KCNH1: variants seen among roughly 807,000 people sequenced by gnomAD.
The protein encoded by KCNH1 is potassium voltage-gated channel subfamily H member 1, also known as voltage-gated delayed rectifier potassium channel KCNH1.
KCNH1 carries 27 observed loss-of-function variants against 69.2 expected under a neutral mutation model. The ratio of observed to expected loss-of-function variants is 0.39; its 90% CI spans 0.29 to 0.54. KCNH1 has a LOEUF of 0.54. KCNH1 is among the 20% of genes least tolerant of loss of function. KCNH1 has a pLI of 0.68. For missense variants in KCNH1, 798 were observed against 1,261.6 expected, an observed-to-expected ratio of 0.63 and a Z score of 5.57; for synonymous variants, 456 against 487.7, an observed-to-expected ratio of 0.93 and a Z score of 0.86.
At chr1:210,894,279 A>G (rs755953303) in intron 7 of KCNH1, among the ~76,000 whole-genome samples, 11 of 152,300 alleles carry the variant, frequency 7.2e-5, no homozygotes, top group Non-Finnish European at 1.0e-4. Context: ...TGTTAAGTGG[A>G]CCCAGAGCAT....
chr1:210,788,841 C>T (rs1025988374), intron 9 of KCNH1, among the ~76,000 whole-genome samples: 1 of 148,770 alleles, frequency 6.7e-6, no homozygotes, highest in Non-Finnish European at 1.5e-5. Flanking sequence ...GGACTACAGG[C>T]GCCCGCCACT....
chr1:210,946,327 A>C (rs1046962751), intron 6 of KCNH1, among the ~76,000 whole-genome samples: 4 of 152,082 alleles, frequency 2.6e-5, no homozygotes, highest in African/African-American at 7.2e-5. Context: ...GAGCATGTGT[A>C]TCCATGCTGC....
chr1:210,981,372 CAAA>C (rs10684074), intron 6 of KCNH1, among the ~76,000 whole-genome samples: 23 of 85,488 alleles, frequency 2.7e-4, no homozygotes, highest in African/African-American at 4.3e-4. Context: ...GTAACAACGA[CAAA>C]AAAAAAAAAA....
At chr1:211,008,611 G>A (rs1689330473) in intron 6 of KCNH1, among the ~76,000 whole-genome samples, 1 of 152,202 alleles carries the variant, frequency 6.6e-6, no homozygotes, top group Non-Finnish European at 1.5e-5. Flanking sequence ...TCAAGAATAG[G>A]TAAAACTAAT....
intron 7 of KCNH1, among the ~76,000 whole-genome samples, chr1:210,809,479 A>C (rs1684654261): frequency 6.6e-6 from 1 of 152,168 alleles, no homozygotes; most frequent in Admixed American, 6.5e-5. Flanking sequence ...AAATATATAT[A>C]TTAAATAAGC....
intron 10 of KCNH1, among the ~76,000 whole-genome samples, chr1:210,763,697 C>G (rs764231993): frequency 1.3e-5 from 2 of 152,088 alleles, no homozygotes; most frequent in Non-Finnish European, 2.9e-5. Flanking sequence ...CTATTAAGCA[C>G]TATTTAAATA....
chr1:210,917,892 A>T (rs12731316), intron 7 of KCNH1, among the ~76,000 whole-genome samples: 9,067 of 152,266 alleles, frequency 0.06, 358 homozygotes, highest in Non-Finnish European at 0.076. Context: ...AAGCACCTCA[A>T]ATTCTAATTA....
intron 6 of KCNH1, among the ~76,000 whole-genome samples, chr1:211,003,319 T>C (rs112342930): frequency 6.3e-4 from 96 of 152,308 alleles, no homozygotes; most frequent in African/African-American, 2.1e-3. Flanking sequence ...ACGGTATTTA[T>C]TTCCCCAGGT....
chr1:210,954,772 TTTAAG>T (rs1688136154), intron 6 of KCNH1, among the ~76,000 whole-genome samples: 1 of 151,792 alleles, frequency 6.6e-6, no homozygotes, highest in Admixed American at 6.5e-5. Flanking sequence ...TGTAACTTTG[TTTAAG>T]TTCTTTGTAG....
chr1:210,921,847 AATTGT>A (rs149039118), intron 6 of KCNH1, among the ~76,000 whole-genome samples: 143 of 152,288 alleles, frequency 9.4e-4, no homozygotes, highest in African/African-American at 2.8e-3. Context: ...AATCAATTTG[AATTGT>A]ATTGTGATGT....
chr1:211,025,219 C>T (rs945158191), intron 5 of KCNH1, among the ~76,000 whole-genome samples: 5 of 152,280 alleles, frequency 3.3e-5, no homozygotes, highest in African/African-American at 1.2e-4. Flanking sequence ...AGGTAAAACT[C>T]CCTCTTGTGT....
At chr1:210,903,357 T>C (rs2102538644) in intron 7 of KCNH1, among the ~76,000 whole-genome samples, 1 of 152,356 alleles carries the variant, frequency 6.6e-6, no homozygotes, top group South Asian at 2.1e-4. Flanking sequence ...TTTAAATGAA[T>C]GGATAAAATA....
intron 1 of KCNH1, among the ~76,000 whole-genome samples, chr1:211,118,038 G>C (rs1558612418): frequency 6.6e-6 from 1 of 152,158 alleles, no homozygotes; most frequent in Non-Finnish European, 1.5e-5. Flanking sequence ...TGTTGTATCA[G>C]GCTTTTGCTC....
chr1:210,897,039 G>A (rs997623234), intron 7 of KCNH1, among the ~76,000 whole-genome samples: 1 of 152,192 alleles, frequency 6.6e-6, no homozygotes, highest in African/African-American at 2.4e-5. Flanking sequence ...TCTTCTGGAA[G>A]GAGCACTCCA....
intron 5 of KCNH1, among the ~76,000 whole-genome samples, chr1:211,026,468 G>T (rs910372902): frequency 1.3e-5 from 2 of 150,992 alleles, no homozygotes; most frequent in African/African-American, 4.9e-5. Context: ...AAGACAGAAA[G>T]CTGTTAGATA....
intron 5 of KCNH1, among the ~76,000 whole-genome samples, chr1:211,048,394 G>A (rs1690131816): frequency 6.6e-6 from 1 of 152,114 alleles, no homozygotes; most frequent in Admixed American, 6.5e-5. Context: ...CATGTTTACA[G>A]CAGCATAATT....
chr1:210,870,315 C>G (rs562173319), intron 7 of KCNH1, among the ~76,000 whole-genome samples: 1 of 152,256 alleles, frequency 6.6e-6, no homozygotes, highest in South Asian at 2.1e-4. Context: ...TCCTCACCCC[C>G]ACACCTCCAC....
chr1:210,838,281 G>GGCTA (rs1685328855), intron 7 of KCNH1, among the ~76,000 whole-genome samples: 1 of 152,236 alleles, frequency 6.6e-6, no homozygotes, highest in East Asian at 1.9e-4. Flanking sequence ...TGGGAGAACT[G>GGCTA]GCTAGGCATA....
chr1:210,875,306 A>G (rs1686346306), intron 7 of KCNH1, among the ~76,000 whole-genome samples: 1 of 152,234 alleles, frequency 6.6e-6, no homozygotes, highest in Admixed American at 6.5e-5. Context: ...CTATATGACC[A>G]CTGCTGTTGA....
Sources: allele counts gnomAD v4.1 joint callset (sites outside exome capture counted in the v4.1 genomes callset), GRCh38; gene constraint gnomAD v4.1.1; transcripts MANE v1.5; gene names NCBI Gene and HGNC (gene_info 2026-07-23, HGNC 2026-07-21).